The following GRIP2 variants were observed in gnomAD, a reference collection of about 807,000 sequenced individuals.
GRIP2 encodes glutamate receptor-interacting protein 2.
A neutral mutation model predicts 108.3 loss-of-function variants in GRIP2; 58 were observed. The observed-to-expected ratio is 0.54, with a 90% CI of 0.43 to 0.67. The LOEUF (loss-of-function observed/expected upper bound fraction) is 0.67. Ranked by LOEUF, GRIP2 falls within the 30% of genes least tolerant of loss-of-function variation. The pLI, the probability that GRIP2 is intolerant of heterozygous loss-of-function variation, is 0.00. For synonymous variants in GRIP2, 586 were observed against 598.2 expected (o/e 0.98, Z 0.30); for missense variants, 1,278 against 1,430.6 (o/e 0.89, Z 1.72).
intron 3 of GRIP2, 149 bp from the exon 4 acceptor site, chr3:14,524,687 G>T (rs1198968978): frequency 1.1e-6 from 1 of 883,456 alleles, no homozygotes; most frequent in Non-Finnish European, 1.7e-6. Flanking sequence ...TCAGACAGTT[G>T]TCCAGGGTCA....
chr3:14,572,611 C>CAAAAAAAAAAAAAAAAAAAAAA, the GRIP2 span, among the ~76,000 whole-genome samples: 1 of 46,954 alleles, frequency 2.1e-5, no homozygotes, highest in Non-Finnish European at 3.4e-5. Flanking sequence ...GACTCCGTCT[C>CAAAAAAAAAAAAAAAAAAAAAA]AAAAAAAAAA....
chr3:14,599,540 T>C, the GRIP2 span, among the ~76,000 whole-genome samples: 1 of 151,814 alleles, frequency 6.6e-6, no homozygotes, highest in East Asian at 2.0e-4. Context: ...TGGCTTTTAT[T>C]TTTCTGATTG....
At chr3:14,496,820 A>G (rs1258175382) in intron 21 of GRIP2, among the ~76,000 whole-genome samples, 1 of 152,198 alleles carries the variant, frequency 6.6e-6, no homozygotes, top group Non-Finnish European at 1.5e-5. Flanking sequence ...AGCACTTTAC[A>G]CCTATAACTC....
intron 21 of GRIP2, 24 bp downstream of exon 21, chr3:14,503,542 G>C (rs746958472): frequency 4.4e-5 from 68 of 1,553,428 alleles, no homozygotes; most frequent in Middle Eastern, 1.7e-4. Context: ...GCCCCATGCA[G>C]GCCTGCAGGG....
chr3:14,592,776 C>G, the GRIP2 span, among the ~76,000 whole-genome samples: 1 of 152,204 alleles, frequency 6.6e-6, no homozygotes, highest in African/African-American at 2.4e-5. Context: ...TTGCTTGACC[C>G]TGTTCTTTGG....
chr3:14,508,360 T>C (rs1204395040), intron 17 of GRIP2, among the ~76,000 whole-genome samples: 2 of 152,180 alleles, frequency 1.3e-5, no homozygotes, highest in Admixed American at 1.3e-4. Flanking sequence ...ACCAATTAAA[T>C]AGTACCTGTG....
At chr3:14,547,829 C>T in intron 1 of GRIP2, among the ~76,000 whole-genome samples, 1 of 152,246 alleles carries the variant, frequency 6.6e-6, no homozygotes, top group Non-Finnish European at 1.5e-5. Flanking sequence ...CATCCAATCT[C>T]AGGATGCAGT....
rs1157047981 is a variant in GRIP2 at position 14,505,545 on chromosome 3, C to T, written c.2573+70G>A. 3.9e-6 allele frequency: 6 copies of T among 1,519,148 alleles called. No homozygotes were observed. The South Asian group carries it at 5.0e-5, about 13-fold the overall frequency. 94.1% of individuals were successfully genotyped at this position (1,519,148 alleles called of 1,614,324 possible). The stretch of plus-strand genomic sequence containing the variant: ...TCTCCATTCCCCCACCACTTTGGCA[C>T]AGGCACCCTCGCCCACCCCAGCCAA... On this transcript the variant is annotated intron_variant, in intron 20 of 23. Transcript: ENST00000621039. The surrounding 1 kb of genome is among the most constrained non-coding windows in gnomAD (Gnocchi z 4.2).
intron 21 of GRIP2, among the ~76,000 whole-genome samples, chr3:14,500,277 A>C (rs932053313): frequency 1.3e-5 from 2 of 152,244 alleles, no homozygotes; most frequent in Non-Finnish European, 2.9e-5. Context: ...CATGGAGGAC[A>C]AGTGTCCAAC....
chr3:14,495,806 G>A (rs111594928), intron 22 of GRIP2, among the ~76,000 whole-genome samples: 4,768 of 152,188 alleles, frequency 0.031, 126 homozygotes, highest in South Asian at 0.11. Context: ...ACACACACAC[G>A]TAGAAGGGTT....
intron 17 of GRIP2, among the ~76,000 whole-genome samples, chr3:14,508,967 C>T (rs1161263265): frequency 1.3e-5 from 2 of 152,176 alleles, no homozygotes; most frequent in East Asian, 1.9e-4. Context: ...CCCCAGCAAC[C>T]AGGACAGAGG....
Position 14,551,125 on chromosome 3 carries a change from T to G in GRIP2, c.55+4775A>C, listed in dbSNP as rs150334569. Reference sequence around the variant, plus strand: ...GGAACACGGACCTGCCAAGGACCCATGAAGAGTTGCGGTCAGCCTGAGTCC... The same window carrying G: ...GGAACACGGACCTGCCAAGGACCCAGGAAGAGTTGCGGTCAGCCTGAGTCC... On this transcript the variant is annotated intron_variant, in intron 1 of 23. Transcript: ENST00000637182. Among the ~76,000 whole-genome samples, 1,450 of 152,062 alleles carry G rather than the reference T, an allele frequency of 9.5e-3. 24 individuals are homozygous for G. The highest frequency in any genetic ancestry group is 0.033 in the African/African-American group (1,348 of 41,466).
At chr3:14,504,310 T>G (rs915925814) in intron 20 of GRIP2, among the ~76,000 whole-genome samples, 2 of 83,406 alleles carry the variant, frequency 2.4e-5, no homozygotes, top group African/African-American at 6.4e-5. Flanking sequence ...CACTTGCTTG[T>G]TTTTTTTTTT....
Position 14,494,944 on chromosome 3 carries a change from C to T in GRIP2, c.2869G>A (p.Val957Ile), listed in dbSNP as rs761275128. The T allele has an allele frequency of 1.7e-5, 27 of 1,613,962 alleles. No homozygotes were observed. The highest frequency in any genetic ancestry group is 2.7e-5 in the African/African-American group (2 of 75,034). ...DPMRHDFGFS[V>I]SDGLLEKGVY... Reference sequence around the variant, plus strand: ...CCTTTTTCCAGGAGGCCATCTGAGACGCTGAAACCAAAGTCATGCCGCATG... The same window carrying T: ...CCTTTTTCCAGGAGGCCATCTGAGATGCTGAAACCAAAGTCATGCCGCATG... The change falls in exon 23 of 24, where the codon GTC becomes ATC. Residue 957 changes from valine to isoleucine, a missense_variant. Coordinates refer to ENST00000621039, the MANE Select transcript of GRIP2 (RefSeq NM_001080423.4).
At chr3:14,493,923 C>A in intron 23 of GRIP2, 97 bp from the exon 24 acceptor site, 1 of 1,363,330 alleles carries the variant, frequency 7.3e-7, no homozygotes, top group Non-Finnish European at 9.9e-7. Context: ...TGGGTCCTGC[C>A]CCAGCCTTGA....
the GRIP2 span, among the ~76,000 whole-genome samples, chr3:14,601,713 G>A: frequency 1.3e-5 from 2 of 152,188 alleles, no homozygotes; most frequent in African/African-American, 2.4e-5. Context: ...CCTGGGACAG[G>A]ACAGGAGGGG....
chr3:14,513,613 G>A, intron 13 of GRIP2, 52 bp downstream of exon 13: 3 of 1,558,828 alleles, frequency 1.9e-6, no homozygotes, highest in Non-Finnish European at 2.6e-6. Flanking sequence ...ATAAAGAGAG[G>A]AGGGGTGCAG....
the GRIP2 span, among the ~76,000 whole-genome samples, chr3:14,567,908 A>T: frequency 1.3e-5 from 2 of 152,216 alleles, no homozygotes; most frequent in African/African-American, 2.4e-5. Context: ...GGTCTCTGTG[A>T]TCAAGTCTTC....
At chr3:14,574,317 T>C in the GRIP2 span, 1 of 1,010,470 alleles carries the variant, frequency 9.9e-7, no homozygotes, top group Non-Finnish European at 1.5e-6. Flanking sequence ...CAGCCGCTTC[T>C]CCCGGGCGAA....
Sources: allele counts gnomAD v4.1 joint callset (sites outside exome capture counted in the v4.1 genomes callset), GRCh38; gene constraint gnomAD v4.1.1; non-coding constraint Gnocchi (gnomAD v3.1); transcripts MANE v1.5; gene names NCBI Gene and HGNC (gene_info 2026-07-23, HGNC 2026-07-21).